The following PARP9 variants were observed in gnomAD, a reference collection of about 807,000 sequenced individuals.
The protein encoded by PARP9 is poly(ADP-ribose) polymerase family member 9, also known as protein mono-ADP-ribosyltransferase PARP9.
In PARP9, 48 loss-of-function variants were observed where a neutral mutation model predicts 68.8. The ratio of observed to expected loss-of-function variants is 0.70; its 90% CI spans 0.55 to 0.89. The LOEUF is 0.89. Among genes scored for constraint, PARP9 ranks in the 40% least tolerant of loss-of-function variants. The probability of loss-of-function intolerance (pLI) is 0.00; values close to 1 mark genes in which losing one functional copy is unlikely to be tolerated. For synonymous variants in PARP9, 309 were observed against 333.8 expected (o/e 0.93, Z 0.81); for missense variants, 806 against 969.3 (o/e 0.83, Z 2.24).
intron 1 of PARP9, among the ~76,000 whole-genome samples, chr3:122,563,251 G>C (rs2080391387): frequency 6.6e-6 from 1 of 152,138 alleles, no homozygotes; most frequent in South Asian, 2.1e-4. Flanking sequence ...AATATGTCCT[G>C]TCCAGGGTGG....
intron 8 of PARP9, among the ~76,000 whole-genome samples, chr3:122,537,623 A>G (rs1479125998): frequency 6.6e-6 from 1 of 152,244 alleles, no homozygotes; most frequent in African/African-American, 2.4e-5. Flanking sequence ...GTAAAGAACT[A>G]AGATTACAAA....
chr3:122,542,735 C>T (rs2078349111), intron 7 of PARP9, among the ~76,000 whole-genome samples: 1 of 152,140 alleles, frequency 6.6e-6, no homozygotes. Context: ...GCCTTGGCCT[C>T]CCAAAGTGCT....
chr3:122,536,390 C>G lies in PARP9; in HGVS notation c.1906-48G>C, dbSNP rs1373580943. 3.1e-6 allele frequency: 5 copies of G among 1,592,816 alleles called. No individual in the cohort carries two copies. In the South Asian group the frequency reaches 5.7e-5, roughly 18 times the overall value. ...CTGAAAAAGAGGCTAGAGAACCGCT[C>G]TTTAAATTGCCTGCTATACTGCTTC... On this transcript the variant is annotated intron_variant, in intron 9 of 10. Transcript: ENST00000682323.
chr3:122,546,786 C>T (rs1206093152), intron 6 of PARP9, among the ~76,000 whole-genome samples: 1 of 151,698 alleles, frequency 6.6e-6, no homozygotes, highest in African/African-American at 2.4e-5. Flanking sequence ...GCTTTGAGGG[C>T]AGACAGACAC....
rs1393135965 is a variant in PARP9, at chr3:122,559,683, G to A, written c.-63C>T. The A allele has an allele frequency of 2.7e-6, 4 of 1,489,368 alleles. No individual in the cohort carries two copies. Among genetic ancestry groups the A allele is most frequent in the Non-Finnish European group, 3.6e-6 (4 of 1,107,474 alleles). 92.3% of individuals were successfully genotyped at this position (1,489,368 alleles called of 1,614,324 possible). On this transcript the variant is annotated 5_prime_UTR_variant, in exon 2 of 11. Coordinates refer to ENST00000682323, the MANE Select transcript of PARP9 (RefSeq NM_001146105.2). ...CCTTTTGCGCTTCAAAGCATAGACT[G>A]TAGTTTCCAGATATGGTGGCCCACT...
upstream of PARP9, chr3:122,564,619 C>A: frequency 6.3e-7 from 1 of 1,579,304 alleles, no homozygotes; most frequent in Non-Finnish European, 8.6e-7. Context: ...GGCAGGTGAG[C>A]TTCGGGCGGC....
intron 8 of PARP9, among the ~76,000 whole-genome samples, chr3:122,539,807 G>A (rs1050312954): frequency 1.3e-5 from 2 of 151,832 alleles, no homozygotes; most frequent in Non-Finnish European, 2.9e-5. Context: ...CAGGTGATGC[G>A]CCCACCTCGG....
intron 7 of PARP9, among the ~76,000 whole-genome samples, chr3:122,542,559 A>G (rs999779191): frequency 6.6e-6 from 1 of 151,960 alleles, no homozygotes; most frequent in African/African-American, 2.4e-5. Flanking sequence ...GGCTCACTGC[A>G]GCCTCCGCCT....
intron 8 of PARP9, among the ~76,000 whole-genome samples, chr3:122,538,010 C>T (rs1164833522): frequency 2.7e-5 from 4 of 150,060 alleles, no homozygotes; most frequent in African/African-American, 1.0e-4. Context: ...ATGACCTAAT[C>T]CCTGGTTCAT....
chr3:122,557,923 G>C (rs2079843135), intron 3 of PARP9, among the ~76,000 whole-genome samples: 1 of 151,986 alleles, frequency 6.6e-6, no homozygotes, highest in African/African-American at 2.4e-5. Flanking sequence ...AAAAAAAAAT[G>C]TGCATCCTAA....
At chr3:122,554,997 A>C (rs750326512) in intron 4 of PARP9, among the ~76,000 whole-genome samples, 1 of 151,746 alleles carries the variant, frequency 6.6e-6, no homozygotes, top group Non-Finnish European at 1.5e-5. Context: ...GATTATAGGC[A>C]TGAGCCACCA....
chr3:122,529,475 G>C (rs2077148530), intron 10 of PARP9, among the ~76,000 whole-genome samples: 1 of 151,978 alleles, frequency 6.6e-6, no homozygotes. Context: ...CTTCGGCCGG[G>C]CGCGGTGGCT....
At chr3:122,545,564 A>C in intron 6 of PARP9, 75 bp from the exon 7 acceptor site, 1 of 1,365,874 alleles carries the variant, frequency 7.3e-7, no homozygotes, top group South Asian at 1.2e-5. Context: ...CCCTCTCTGC[A>C]CACACAGCAC....
chr3:122,542,150 T>G (rs2078278543), intron 7 of PARP9, among the ~76,000 whole-genome samples: 1 of 152,006 alleles, frequency 6.6e-6, no homozygotes, highest in Non-Finnish European at 1.5e-5. Flanking sequence ...ATTGCATTTA[T>G]CCATTATTAT....
intron 10 of PARP9, chr3:122,532,211 C>T (rs2077360947): frequency 1.0e-6 from 1 of 985,348 alleles, no homozygotes; most frequent in South Asian, 4.7e-5. Context: ...TCAAAAATTT[C>T]CTGTGTGGCA....
intron 7 of PARP9, among the ~76,000 whole-genome samples, chr3:122,544,817 C>CA (rs2107641379): frequency 6.6e-6 from 1 of 152,308 alleles, no homozygotes; most frequent in South Asian, 2.1e-4. Flanking sequence ...ACCAGAGTGA[C>CA]AGAGTCAGAA....
At position 122,540,515 on chromosome 3, in the gene PARP9, C is replaced by T; in HGVS notation, c.1722G>A (p.Glu574=). ...NIEDMLCKVQ[E]EMARKKERGL... is the part of the protein sequence containing the mutation. Reference sequence around the variant, plus strand: ...CTCGCTCCTTTTTCCTTGCCATTTCCTCCTGTACTTTACAAAGCATATCTT... The same window carrying T: ...CTCGCTCCTTTTTCCTTGCCATTTCTTCCTGTACTTTACAAAGCATATCTT... The change falls in exon 8 of 11, where the codon GAG becomes GAA. Residue 574 remains glutamate (E), a synonymous_variant. Coordinates refer to ENST00000682323, the MANE Select transcript of PARP9 (RefSeq NM_001146105.2). 1 of 1,614,144 alleles carries T rather than the reference C, an allele frequency of 6.2e-7. No individual in the cohort carries two copies. The highest frequency in any genetic ancestry group is 8.5e-7 in the Non-Finnish European group (1 of 1,180,026).
chr3:122,540,789 T>C lies in PARP9; in HGVS notation c.1448A>G (p.Asn483Ser), dbSNP rs1452296001. 7.4e-6 allele frequency: 12 copies of C among 1,613,952 alleles called. No homozygotes were observed. Among genetic ancestry groups the C allele is most frequent in the East Asian group, 2.2e-5 (1 of 44,892 alleles). ...NGLEARSPAI[N>S]LMGFNVEEMY... ...CTCTTCCACGTTGAATCCCATCAGA[T>C]TGATGGCAGGAGATCTAGCTTCAAG... The change falls in exon 8 of 11, where the codon AAT (asparagine) becomes AGT (serine). Residue 483 changes from asparagine to serine, a missense_variant. Coordinates refer to ENST00000682323, the MANE Select transcript of PARP9 (RefSeq NM_001146105.2).
intron 10 of PARP9, among the ~76,000 whole-genome samples, chr3:122,530,750 C>G (rs75847559): frequency 0.012 from 1,887 of 152,228 alleles, 38 homozygotes; most frequent in African/African-American, 0.044. Context: ...ACAACAGAAA[C>G]GTACTATGAG....
Sources: gnomAD v4.1 joint callset for allele counts (sites outside exome capture counted in the v4.1 genomes callset) on GRCh38, gnomAD v4.1.1 for gene constraint, MANE v1.5 for transcripts, NCBI Gene and HGNC (gene_info 2026-07-23, HGNC 2026-07-21) for gene names.